ZBTB16: variants seen among roughly 807,000 people sequenced by gnomAD.
ZBTB16 encodes zinc finger and BTB domain containing 16.
A neutral mutation model predicts 56.8 loss-of-function variants in ZBTB16; 8 were observed. That is an observed-to-expected ratio of 0.14 (90% CI 0.08 to 0.25). The LOEUF is 0.25. Ranked by LOEUF, ZBTB16 falls within the 10% of genes least tolerant of loss-of-function variation. The pLI, the probability that ZBTB16 is intolerant of heterozygous loss-of-function variation, is 1.00. For synonymous variants in ZBTB16, 363 were observed against 368.5 expected, an observed-to-expected ratio of 0.98 and a Z score of 0.17; for missense variants, 625 against 903.0, an observed-to-expected ratio of 0.69 and a Z score of 3.95.
At chr11:114,240,786 G>C in intron 4 of ZBTB16, among the ~76,000 whole-genome samples, 1 of 152,172 alleles carries the variant, frequency 6.6e-6, no homozygotes, top group East Asian at 1.9e-4. Context: ...TGTATGTGTG[G>C]GGTACTTTGG....
At chr11:114,233,273 G>A (rs1293995966) in intron 4 of ZBTB16, among the ~76,000 whole-genome samples, 1 of 151,946 alleles carries the variant, frequency 6.6e-6, no homozygotes, top group Non-Finnish European at 1.5e-5. Context: ...TACCAGCGGA[G>A]GATATTAGTC....
intron 3 of ZBTB16, among the ~76,000 whole-genome samples, chr11:114,182,914 T>A (rs1236533866): frequency 1.3e-5 from 2 of 152,156 alleles, no homozygotes; most frequent in East Asian, 3.9e-4. Flanking sequence ...CTATTATCGA[T>A]CAAAGCTTGG....
chr11:114,229,543 T>C (rs484715), intron 4 of ZBTB16, among the ~76,000 whole-genome samples: 134,283 of 152,292 alleles, frequency 0.88, 59,309 homozygotes, highest in East Asian at 0.98. Context: ...TCTCACCCTC[T>C]ACCTGGTAGC....
chr11:114,115,488 C>A (rs966810314), intron 2 of ZBTB16, among the ~76,000 whole-genome samples: 1 of 151,968 alleles, frequency 6.6e-6, no homozygotes, highest in Non-Finnish European at 1.5e-5. Context: ...GTCCCACATT[C>A]TTCCAAGGAG....
At chr11:114,236,941 GT>G (rs1456952478) in intron 4 of ZBTB16, among the ~76,000 whole-genome samples, 1 of 152,246 alleles carries the variant, frequency 6.6e-6, no homozygotes, top group Non-Finnish European at 1.5e-5. Context: ...TGAATCCTAA[GT>G]GGTGTAACTC....
chr11:114,184,351 C>T (rs1043746896), intron 3 of ZBTB16, among the ~76,000 whole-genome samples: 6 of 152,210 alleles, frequency 3.9e-5, no homozygotes, highest in Admixed American at 2.0e-4. Flanking sequence ...TCAGTATGTG[C>T]TGATTCTCCA....
intron 4 of ZBTB16, among the ~76,000 whole-genome samples, chr11:114,235,682 C>CT (rs1555159914): frequency 1.5e-3 from 53 of 36,122 alleles, no homozygotes; most frequent in African/African-American, 4.0e-3. Flanking sequence ...TTCTTTCTTT[C>CT]TTTCTTTCTT....
intron 1 of ZBTB16, among the ~76,000 whole-genome samples, chr11:114,062,260 C>T (rs1452470529): frequency 6.6e-6 from 1 of 152,028 alleles, no homozygotes; most frequent in African/African-American, 2.4e-5. Flanking sequence ...GGTGCCACCG[C>T]GCCTGGCTAA....
chr11:114,254,009 G>T lies in ZBTB16; in HGVS notation c.*3454G>T, dbSNP rs1363133325. 2.0e-5 allele frequency among the ~76,000 whole-genome samples: 3 copies of T among 152,086 alleles called. No homozygotes were observed. Among genetic ancestry groups the T allele is most frequent in the Non-Finnish European group, 4.4e-5 (3 of 68,028 alleles). ...CACAGTGAAAAACTTCTCCAGCCTG[G>T]CAAGGCCACGTTGGTTAATAGTCCC... On this transcript the variant is annotated 3_prime_UTR_variant, in exon 7 of 7. Coordinates refer to ENST00000335953, the MANE Select transcript of ZBTB16 (RefSeq NM_006006.6).
At chr11:114,068,597 T>A (rs182201546) in intron 2 of ZBTB16, among the ~76,000 whole-genome samples, 4 of 152,182 alleles carry the variant, frequency 2.6e-5, no homozygotes. Context: ...GTCAGAACAG[T>A]GGGAAGATCT....
At chr11:114,167,072 G>A (rs1382690490) in intron 3 of ZBTB16, among the ~76,000 whole-genome samples, 1 of 152,072 alleles carries the variant, frequency 6.6e-6, no homozygotes, top group Non-Finnish European at 1.5e-5. Context: ...AAGAGAATGG[G>A]GCAGAGAACA....
intron 3 of ZBTB16, among the ~76,000 whole-genome samples, chr11:114,172,178 A>G (rs1942986782): frequency 6.6e-6 from 1 of 152,230 alleles, no homozygotes; most frequent in South Asian, 2.1e-4. Flanking sequence ...TACATGTCCA[A>G]GAATGTCCTG....
chr11:114,239,644 A>AG (rs1357220842), intron 4 of ZBTB16, among the ~76,000 whole-genome samples: 1 of 152,032 alleles, frequency 6.6e-6, no homozygotes, highest in Non-Finnish European at 1.5e-5. Context: ...TTTCTGAGAG[A>AG]CCTTGGTGGC....
In ZBTB16 at chr11:114,119,285, AAAAAAAAG is replaced by A; in HGVS notation, c.1269-37049_1269-37042del. On this transcript the variant is annotated intron_variant, in intron 2 of 6. Coordinates refer to ENST00000335953, the MANE Select transcript of ZBTB16 (RefSeq NM_006006.6). ...GTCTCAAAAAAAAAAAAAAAAAAAA[AAAAAAAAG>A]AATTTAGGGGGCGTTGTTAGGGGGT... 2.7e-5 allele frequency among the ~76,000 whole-genome samples: 4 copies of A among 148,504 alleles called. No homozygotes were observed. In the East Asian group the frequency reaches 7.8e-4, roughly 29 times the overall value.
chr11:114,158,290 G>A (rs915659170), intron 3 of ZBTB16, among the ~76,000 whole-genome samples: 3 of 152,176 alleles, frequency 2.0e-5, no homozygotes, highest in Non-Finnish European at 4.4e-5. Flanking sequence ...GCCGCAGTAA[G>A]CGTCCTTTCT....
At chr11:114,159,934 A>AGGCGGGGG (rs1942529694) in intron 3 of ZBTB16, among the ~76,000 whole-genome samples, 1 of 50,628 alleles carries the variant, frequency 2.0e-5, no homozygotes, top group Admixed American at 2.0e-4. Flanking sequence ...TGGGCGGGGG[A>AGGCGGGGG]GGCGGGGGGG....
chr11:114,231,492 C>T (rs1200897116), intron 4 of ZBTB16, among the ~76,000 whole-genome samples: 1 of 152,136 alleles, frequency 6.6e-6, no homozygotes, highest in Non-Finnish European at 1.5e-5. Flanking sequence ...GAGTGTTCAG[C>T]CAGTTCTAGG....
intron 2 of ZBTB16, among the ~76,000 whole-genome samples, chr11:114,132,365 A>G (rs1941687063): frequency 1.3e-5 from 2 of 152,186 alleles, no homozygotes; most frequent in Non-Finnish European, 2.9e-5. Flanking sequence ...GATTTTCTGA[A>G]TCACTCACAA....
chr11:114,241,129 A>G (rs777235691), intron 4 of ZBTB16, among the ~76,000 whole-genome samples: 3 of 152,106 alleles, frequency 2.0e-5, no homozygotes, highest in African/African-American at 4.8e-5. Flanking sequence ...TTCCTTGGTT[A>G]TATCCCCAGT....
Sources: allele counts gnomAD v4.1 joint callset (sites outside exome capture counted in the v4.1 genomes callset), GRCh38; gene constraint gnomAD v4.1.1; transcripts MANE v1.5; gene names NCBI Gene and HGNC (gene_info 2026-07-23, HGNC 2026-07-21).